LRRC28: variants seen among roughly 807,000 people sequenced by gnomAD.
The protein encoded by LRRC28 is leucine rich repeat containing 28.
In LRRC28, 39 loss-of-function variants were observed where a neutral mutation model predicts 45.7. The observed-to-expected ratio is 0.85, with a 90% confidence interval of 0.66 to 1.12. LRRC28 has a LOEUF of 1.12. LRRC28 is among the 50% of genes most tolerant of loss of function. The pLI, the probability that LRRC28 is intolerant of heterozygous loss-of-function variation, is 0.00. For synonymous variants in LRRC28, 206 were observed against 178.8 expected (o/e 1.15, Z -1.22); for missense variants, 435 against 438.5 (o/e 0.99, Z 0.07).
intron 5 of LRRC28, among the ~76,000 whole-genome samples, chr15:99,304,653 G>T (rs546680226): frequency 6.6e-6 from 1 of 151,986 alleles, no homozygotes; most frequent in African/African-American, 2.4e-5. Context: ...CACCGTGTTG[G>T]CCAGGCTGGT....
intron 5 of LRRC28, among the ~76,000 whole-genome samples, chr15:99,324,011 G>A (rs1401791952): frequency 6.6e-6 from 1 of 152,126 alleles, no homozygotes; most frequent in East Asian, 1.9e-4. Context: ...TACACCAAAT[G>A]GAATTTGGCA....
chr15:99,276,799 T>G (rs895013918), intron 3 of LRRC28, among the ~76,000 whole-genome samples, 183 bp downstream of exon 3: 1 of 152,228 alleles, frequency 6.6e-6, no homozygotes, highest in African/African-American at 2.4e-5. Flanking sequence ...ATTTAACCAT[T>G]TAAAATTGTA....
chr15:99,374,273 T>C (rs1957563449), intron 9 of LRRC28, among the ~76,000 whole-genome samples: 1 of 152,268 alleles, frequency 6.6e-6, no homozygotes, highest in Non-Finnish European at 1.5e-5. Flanking sequence ...ACTTCTTTCG[T>C]CAGCATCTTA....
Position 99,298,624 on chromosome 15 carries a change from C to G in LRRC28, c.385+10673C>G, listed in dbSNP as rs1290519913. On this transcript the variant is annotated intron_variant, in intron 5 of 9. Coordinates refer to ENST00000301981, the MANE Select transcript of LRRC28 (RefSeq NM_144598.5). The stretch of plus-strand genomic sequence containing the variant: ...CAGGAATGGGGACATTTTTAAAAAC[C>G]TGATAAATATAGAAGTGTTTTTAAT... Among the ~76,000 whole-genome samples the G allele has an allele frequency of 2.6e-5, 4 of 152,150 alleles. No homozygotes were observed. The East Asian group carries it at 7.7e-4, about 29-fold the overall frequency.
chr15:99,255,920 T>G lies in LRRC28; in HGVS notation c.-38T>G, dbSNP rs375421502. ...TAGAAATGGACCAATTTTGACAAGATATAGTGCTGCAGCGTGCCTGATGGG... is the reference window on the plus strand; with the variant it reads ...TAGAAATGGACCAATTTTGACAAGAGATAGTGCTGCAGCGTGCCTGATGGG... On this transcript the variant is annotated 5_prime_UTR_variant, in exon 2 of 10. Coordinates refer to ENST00000301981, the MANE Select transcript of LRRC28 (RefSeq NM_144598.5). 1.8e-5 allele frequency: 28 copies of G among 1,579,582 alleles called. No homozygotes were observed. The highest frequency in any genetic ancestry group is 2.4e-5 in the Non-Finnish European group (28 of 1,166,280).
In LRRC28 at chr15:99,319,025, G is replaced by A. The variant is rs1430591617; in HGVS notation, c.386-14898G>A. 2.0e-5 allele frequency among the ~76,000 whole-genome samples: 3 copies of A among 152,098 alleles called. No individual in the cohort carries two copies. The South Asian group carries it at 6.2e-4, about 32-fold the overall frequency. ...TTCCTGTTTTGAATTTGGAAAGTGA[G>A]ATGAAAGCAGTCATCATTATTATAT... On this transcript the variant is annotated intron_variant, in intron 5 of 9. Coordinates refer to ENST00000301981, the MANE Select transcript of LRRC28 (RefSeq NM_144598.5).
rs1567697331 is a variant in LRRC28 at position 99,361,373 on chromosome 15, C to T, written c.733C>T (p.Leu245Phe). 1.9e-6 allele frequency: 3 copies of T among 1,613,726 alleles called. No homozygotes were observed. The Admixed American group carries it at 5.0e-5, about 27-fold the overall frequency. ...CATTCAAGTTTCCGAGGTGAAGCTG[C>T]TTTCCTTTTCATCAGGGCAGCGAAC... ...APIQVSEVKLLSFSSGQRTVF... is the reference protein window; with the variant it reads ...APIQVSEVKLFSFSSGQRTVF... Residue 245 changes from leucine (L) to phenylalanine (F), a missense_variant, in exon 8 of 10, where the codon CTT becomes TTT. Transcript: ENST00000301981.
chr15:99,282,177 G>GTTTTTGTTT (rs2081815118), intron 3 of LRRC28, among the ~76,000 whole-genome samples: 1 of 98,048 alleles, frequency 1.0e-5, no homozygotes, highest in Admixed American at 1.3e-4. Context: ...ATTTTTGGAG[G>GTTTTTGTTT]TTTTTTTTTT....
At chr15:99,335,518 A>G (rs1244301513) in intron 6 of LRRC28, among the ~76,000 whole-genome samples, 2 of 152,176 alleles carry the variant, frequency 1.3e-5, no homozygotes, top group Non-Finnish European at 2.9e-5. Context: ...TGAGCCAGGC[A>G]TGGTGATGCA....
At position 99,348,508 on chromosome 15, in the gene LRRC28, G is replaced by A. The variant is rs74499992; in HGVS notation, c.593-3861G>A. On this transcript the variant is annotated intron_variant, in intron 6 of 9. Coordinates refer to ENST00000301981, the MANE Select transcript of LRRC28 (RefSeq NM_144598.5). ...TTGCATGTGGAAATCCAGCGTTCCCGGCACCATCTATTCAAGACACTTTCT... is the reference window on the plus strand; with the variant it reads ...TTGCATGTGGAAATCCAGCGTTCCCAGCACCATCTATTCAAGACACTTTCT... Among the ~76,000 whole-genome samples the A allele has an allele frequency of 4.0e-3, 606 of 152,094 alleles. 4 individuals are homozygous for A. Among genetic ancestry groups the A allele is most frequent in the South Asian group, 0.038 (185 of 4,818 alleles).
chr15:99,341,552 C>T (rs62023846), intron 6 of LRRC28, among the ~76,000 whole-genome samples: 21,917 of 152,136 alleles, frequency 0.14, 1,614 homozygotes, highest in Non-Finnish European at 0.17. Flanking sequence ...GAGAAAAGTG[C>T]ACCTAGATTA....
intron 9 of LRRC28, among the ~76,000 whole-genome samples, chr15:99,377,041 AT>A (rs1163889847): frequency 6.6e-6 from 1 of 152,138 alleles, no homozygotes; most frequent in African/African-American, 2.4e-5. Context: ...TTGATTTATA[AT>A]CCTTTGGGTA....
intron 5 of LRRC28, among the ~76,000 whole-genome samples, chr15:99,332,284 A>G (rs1956186470): frequency 6.6e-6 from 1 of 152,154 alleles, no homozygotes; most frequent in South Asian, 2.1e-4. Flanking sequence ...AAGTTCAAGT[A>G]GAAAACTCCC....
At chr15:99,256,400 G>A (rs961871163) in intron 2 of LRRC28, 14 of 225,166 alleles carry the variant, frequency 6.2e-5, no homozygotes, top group Admixed American at 1.7e-4. Flanking sequence ...ACCCATCTTC[G>A]TTTAGCATGT....
chr15:99,253,109 T>A (rs1597131473), intron 1 of LRRC28, among the ~76,000 whole-genome samples: 1 of 144,572 alleles, frequency 6.9e-6, no homozygotes, highest in African/African-American at 2.6e-5. Flanking sequence ...GGGAATTACT[T>A]TGGGATAGGG....
At chr15:99,285,347 T>C (rs1338150587) in intron 3 of LRRC28, 2 of 741,952 alleles carry the variant, frequency 2.7e-6, no homozygotes, top group Non-Finnish European at 4.9e-6. Context: ...TCTGTCCACC[T>C]TGTGTGGCTT....
At chr15:99,256,581 C>G (rs1452251040) in intron 2 of LRRC28, among the ~76,000 whole-genome samples, 2 of 152,182 alleles carry the variant, frequency 1.3e-5, no homozygotes, top group Admixed American at 6.5e-5. Flanking sequence ...AAGAGATGCA[C>G]TTGGGAAGCT....
intron 2 of LRRC28, chr15:99,260,040 G>C (rs753690418): frequency 3.9e-5 from 22 of 564,940 alleles, no homozygotes; most frequent in Non-Finnish European, 6.3e-5. Context: ...TCATCGTTTG[G>C]ATCCTGTGTG....
At chr15:99,310,908 C>G (rs527765378) in intron 5 of LRRC28, among the ~76,000 whole-genome samples, 1 of 152,120 alleles carries the variant, frequency 6.6e-6, no homozygotes, top group Non-Finnish European at 1.5e-5. Flanking sequence ...CACTGTTACC[C>G]ACAGAGGTAT....
Sources: gnomAD v4.1 joint callset for allele counts (sites outside exome capture counted in the v4.1 genomes callset) on GRCh38, gnomAD v4.1.1 for gene constraint, MANE v1.5 for transcripts, NCBI Gene and HGNC (gene_info 2026-07-23, HGNC 2026-07-21) for gene names.